The following SDK2 variants were observed in gnomAD, a reference collection of about 807,000 sequenced individuals.
SDK2 encodes sidekick cell adhesion molecule 2, also known as protein sidekick-2.
In SDK2, 105 loss-of-function variants were observed where a neutral mutation model predicts 253.9. That is an observed-to-expected ratio of 0.41 (90% CI 0.35 to 0.49). The LOEUF is 0.49. Ranked by LOEUF, SDK2 falls within the 20% of genes least tolerant of loss-of-function variation. SDK2 has a pLI of 0.06. For synonymous variants in SDK2, 1,249 were observed against 1,234.9 expected (o/e 1.01, Z -0.24); for missense variants, 2,608 against 3,003.0 (o/e 0.87, Z 3.07).
rs1010747684 is a variant in SDK2 at position 73,534,607 on chromosome 17, G to A, written c.65-27010C>T. The stretch of plus-strand genomic sequence containing the variant: ...GACCAGCAAGGCAGCAGGGAAGGCC[G>A]GTGGAGGGGAGGCAGAGGTCTTGGA... On this transcript the variant is annotated intron_variant, in intron 1 of 44. Transcript: ENST00000392650. The surrounding 1 kb of genome is among the most constrained non-coding windows in gnomAD (Gnocchi z 4.9). 4.6e-5 allele frequency among the ~76,000 whole-genome samples: 7 copies of A among 152,170 alleles called. No homozygotes were observed. Among genetic ancestry groups the A allele is most frequent in the African/African-American group, 1.7e-4 (7 of 41,436 alleles).
intron 1 of SDK2, among the ~76,000 whole-genome samples, chr17:73,551,062 A>G (rs2045049845): frequency 6.6e-6 from 1 of 152,186 alleles, no homozygotes; most frequent in South Asian, 2.1e-4. Flanking sequence ...GCCACCTGTG[A>G]TACAGGACAG....
At position 73,435,467 on chromosome 17, in the gene SDK2, G is replaced by A. The variant is rs375733352; in HGVS notation, c.1178C>T (p.Thr393Ile). 6.3e-6 allele frequency: 10 copies of A among 1,595,534 alleles called. No homozygotes were observed. Among genetic ancestry groups the A allele is most frequent in the African/African-American group, 1.3e-5 (1 of 74,550 alleles). Reference protein sequence around the residue: ...RNAAGEVQTSTYLAVTSIAPN... With the variant: ...RNAAGEVQTSIYLAVTSIAPN... Reference sequence around the variant, plus strand: ...CAACTTACTGGTGACAGCCAGGTAGGTGGAAGTTTGCACCTCGCCGGCTGC... The same window carrying A: ...CAACTTACTGGTGACAGCCAGGTAGATGGAAGTTTGCACCTCGCCGGCTGC... The change falls in exon 9 of 45, where the codon ACC (threonine) becomes ATC (isoleucine). Residue 393 changes from threonine to isoleucine, a missense_variant. By Grantham distance (89) the Thr-to-Ile change is moderately conservative (BLOSUM62 -1). Coordinates refer to ENST00000392650, the MANE Select transcript of SDK2 (RefSeq NM_001144952.2). This position sits in a 1 kb window ranked among gnomAD's most constrained non-coding sequence, Gnocchi z 5.7.
Position 73,443,028 on chromosome 17 carries a change from T to G in SDK2, c.614-2105A>C, listed in dbSNP as rs2063427903. Among the ~76,000 whole-genome samples the G allele has an allele frequency of 6.6e-6, 1 of 152,150 alleles. No individual in the cohort carries two copies. The highest frequency in any genetic ancestry group is 2.4e-5 in the African/African-American group (1 of 41,432). ...TGAAAATACAACCTCTGAGGACTTT[T>G]TCTCCACAACAAATCTATCCAGTTG... On this transcript the variant is annotated intron_variant, in intron 5 of 44. Coordinates refer to ENST00000392650, the MANE Select transcript of SDK2 (RefSeq NM_001144952.2). The surrounding 1 kb of genome is among the most constrained non-coding windows in gnomAD (Gnocchi z 4.6).
At chr17:73,526,185 C>T (rs766572600) in intron 1 of SDK2, among the ~76,000 whole-genome samples, 12 of 152,094 alleles carry the variant, frequency 7.9e-5, no homozygotes, top group Non-Finnish European at 1.8e-4. Context: ...AGCCAGGATG[C>T]GTGCAAGGAA....
At chr17:73,526,941 C>A (rs1417258457) in intron 1 of SDK2, among the ~76,000 whole-genome samples, 1 of 152,184 alleles carries the variant, frequency 6.6e-6, no homozygotes, top group Non-Finnish European at 1.5e-5. Flanking sequence ...CAGTGAACAC[C>A]AGTTATAGGC....
chr17:73,419,584 A>G lies in SDK2; in HGVS notation c.2046-278T>C, dbSNP rs1244925521. On this transcript the variant is annotated intron_variant, in intron 15 of 44. Coordinates refer to ENST00000392650, the MANE Select transcript of SDK2 (RefSeq NM_001144952.2). ...TATATGTATATGTCTTTTAAAAACT[A>G]TAAGGCCAGATGCTGTGGCTCATGC... is the stretch of plus-strand genomic sequence containing the variant. 3.9e-5 allele frequency among the ~76,000 whole-genome samples: 6 copies of G among 152,132 alleles called. No individual in the cohort carries two copies. In the East Asian group the frequency reaches 1.2e-3, roughly 29 times the overall value.
At chr17:73,635,320 C>T (rs748123794) in intron 1 of SDK2, among the ~76,000 whole-genome samples, 1 of 152,092 alleles carries the variant, frequency 6.6e-6, no homozygotes, top group South Asian at 2.1e-4. Context: ...TCTGCTGTCC[C>T]GTCTGGGCCC....
intron 4 of SDK2, among the ~76,000 whole-genome samples, chr17:73,453,370 G>GT (rs34814268): frequency 0.37 from 52,863 of 141,088 alleles, 9,739 homozygotes; most frequent in Admixed American, 0.42. Flanking sequence ...CTGAGCTGGG[G>GT]TTTTTTTTTT....
intron 12 of SDK2, among the ~76,000 whole-genome samples, chr17:73,426,601 C>G (rs1377179121): frequency 6.6e-6 from 1 of 152,070 alleles, no homozygotes; most frequent in Non-Finnish European, 1.5e-5. Context: ...AAATCATTTC[C>G]TCAAGGACAA....
rs1398820293 is a variant in SDK2 at position 73,620,680 on chromosome 17, T to TA, written c.64+23344dup. 2.0e-5 allele frequency among the ~76,000 whole-genome samples: 3 copies of TA among 152,308 alleles called. No individual in the cohort carries two copies. The East Asian group carries it at 5.8e-4, about 29-fold the overall frequency. The stretch of plus-strand genomic sequence containing the variant: ...ATGCAATGAAATAGTAATTAGCAAT[T>TA]AAAAAGGAATGAAGTACTGCTACAA... On this transcript the variant is annotated intron_variant, in intron 1 of 44. Transcript: ENST00000392650.
Position 73,362,033 on chromosome 17 carries a change from C to T in SDK2, c.5306-188G>A, listed in dbSNP as rs190260287. On this transcript the variant is annotated intron_variant, in intron 38 of 44. Coordinates refer to ENST00000392650, the MANE Select transcript of SDK2 (RefSeq NM_001144952.2). ...TGCCCATGCTGTGTTTCTCACAGCA[C>T]GGTCCTGCCTGCTGTTCTCAGGGAG... Among the ~76,000 whole-genome samples the T allele has an allele frequency of 6.7e-4, 102 of 152,322 alleles. 1 individual carries two copies. In the South Asian group the frequency reaches 0.013, roughly 20 times the overall value.
Position 73,385,644 on chromosome 17 carries a change from T to C in SDK2, c.4569+203A>G, listed in dbSNP as rs1204639355. ...ATCTAGAGAGTGTAATGAGGCGTGT[T>C]ATGGGAGTGTGTATGTGTGGGCACA... is the stretch of plus-strand genomic sequence containing the variant. On this transcript the variant is annotated intron_variant, in intron 32 of 44. Transcript: ENST00000392650. Among the ~76,000 whole-genome samples the C allele has an allele frequency of 2.0e-5, 3 of 152,056 alleles. No individual in the cohort carries two copies. In the East Asian group the frequency reaches 5.8e-4, roughly 29 times the overall value.
intron 1 of SDK2, among the ~76,000 whole-genome samples, chr17:73,521,603 C>T (rs1338111526): frequency 1.3e-5 from 2 of 152,158 alleles, no homozygotes; most frequent in Non-Finnish European, 2.9e-5. Context: ...GGCTCAGGCG[C>T]TGGGTCTCCT....
In SDK2 at chr17:73,386,644, G is replaced by A; in HGVS notation, c.4395-96C>T. 7.3e-6 allele frequency: 6 copies of A among 826,004 alleles called. No homozygotes were observed. In the South Asian group the frequency reaches 8.7e-5, roughly 12 times the overall value. 51.2% of individuals were successfully genotyped at this position (826,004 alleles called of 1,614,324 possible). ...AGTCTCCCTGATCTGGCCCTGCTCG[G>A]GAAAGGGGGCAGGGTGCCAGCCTAC... is the stretch of plus-strand genomic sequence containing the variant. On this transcript the variant is annotated intron_variant, in intron 30 of 44. Coordinates refer to ENST00000392650, the MANE Select transcript of SDK2 (RefSeq NM_001144952.2).
intron 1 of SDK2, among the ~76,000 whole-genome samples, chr17:73,573,741 G>A (rs1387052978): frequency 6.6e-6 from 1 of 152,186 alleles, no homozygotes; most frequent in Non-Finnish European, 1.5e-5. Context: ...TGCATAAATT[G>A]GATCATGCCA....
intron 1 of SDK2, among the ~76,000 whole-genome samples, chr17:73,571,171 C>T (rs983302699): frequency 1.3e-5 from 2 of 151,910 alleles, no homozygotes; most frequent in African/African-American, 2.4e-5. Flanking sequence ...CAGGTTCAAG[C>T]GATTCTCCAG....
intron 34 of SDK2, 145 bp downstream of exon 34, chr17:73,380,749 C>T (rs2062823250): frequency 2.7e-6 from 2 of 730,698 alleles, no homozygotes; most frequent in South Asian, 3.1e-5. Context: ...AGGGTTATCA[C>T]TTGTGTTCAG....
rs752695536 is a variant in SDK2, at chr17:73,394,313, C to T, written c.3604G>A (p.Gly1202Ser). ...GRTRESVPSS[G>S]PTNVSALATT... ...GCCAGTGCAGACACATTGGTGGGGC[C>T]GGAAGAGGGAACTGTGGGGGAAAGG... The change falls in exon 26 of 45, where the codon GGC (glycine) becomes AGC (serine). Residue 1202 changes from glycine (G) to serine (S), a missense_variant. Coordinates refer to ENST00000392650, the MANE Select transcript of SDK2 (RefSeq NM_001144952.2). The T allele has an allele frequency of 4.3e-5, 68 of 1,581,014 alleles. No homozygotes were observed. Among genetic ancestry groups the T allele is most frequent in the Admixed American group, 1.6e-4 (9 of 57,694 alleles).
At chr17:73,469,376 C>A (rs944325593) in intron 3 of SDK2, among the ~76,000 whole-genome samples, 1 of 152,186 alleles carries the variant, frequency 6.6e-6, no homozygotes, top group Non-Finnish European at 1.5e-5. Flanking sequence ...TCAGGGTACC[C>A]CCATCCCCAG....
Sources: gnomAD v4.1 joint callset for allele counts (sites outside exome capture counted in the v4.1 genomes callset) on GRCh38, gnomAD v4.1.1 for gene constraint, Gnocchi (gnomAD v3.1) non-coding constraint, MANE v1.5 for transcripts, NCBI Gene and HGNC (gene_info 2026-07-23, HGNC 2026-07-21) for gene names.